The following SLC6A5 variants were observed in gnomAD, a reference collection of about 807,000 sequenced individuals.
SLC6A5 encodes sodium- and chloride-dependent glycine transporter 2.
A neutral mutation model predicts 90.5 loss-of-function variants in SLC6A5; 58 were observed. The observed-to-expected ratio is 0.64, with a 90% confidence interval of 0.52 to 0.80. The LOEUF is 0.80. Ranked by LOEUF, SLC6A5 falls within the 30% of genes least tolerant of loss-of-function variation. The probability of loss-of-function intolerance (pLI) is 0.00; values close to 1 mark genes in which losing one functional copy is unlikely to be tolerated. For missense variants in SLC6A5, 1,015 were observed against 1,017.6 expected, an observed-to-expected ratio of 1.00 and a Z score of 0.03; for synonymous variants, 427 against 401.4, an observed-to-expected ratio of 1.06 and a Z score of -0.76.
intron 3 of SLC6A5, among the ~76,000 whole-genome samples, chr11:20,606,400 C>A (rs1466638535): frequency 6.6e-6 from 1 of 152,142 alleles, no homozygotes; most frequent in Non-Finnish European, 1.5e-5. Context: ...TTGAGTTGAC[C>A]TTGAAGGATG....
chr11:20,607,835 G>A (rs765113551), intron 5 of SLC6A5, among the ~76,000 whole-genome samples, 183 bp downstream of exon 5: 5 of 152,170 alleles, frequency 3.3e-5, no homozygotes, highest in Admixed American at 1.3e-4. Flanking sequence ...TGGCCCAGAG[G>A]AAAGCTTAAT....
chr11:20,610,202 G>C (rs991863493), intron 5 of SLC6A5, among the ~76,000 whole-genome samples: 22 of 152,144 alleles, frequency 1.4e-4, no homozygotes, highest in Non-Finnish European at 1.8e-4. Context: ...TTCTTTGTTC[G>C]GGGTTGCTGG....
At chr11:20,608,830 C>G (rs751409841) in intron 5 of SLC6A5, among the ~76,000 whole-genome samples, 1 of 152,062 alleles carries the variant, frequency 6.6e-6, no homozygotes, top group Non-Finnish European at 1.5e-5. Flanking sequence ...AATATGAATT[C>G]TTCCCTCTCG....
intron 2 of SLC6A5, among the ~76,000 whole-genome samples, chr11:20,603,176 G>C (rs1852511518): frequency 6.6e-6 from 1 of 152,168 alleles, no homozygotes. Context: ...CTGTAGAAAA[G>C]TATGAGACCT....
At chr11:20,630,843 G>T (rs987289077) in intron 10 of SLC6A5, 28 bp downstream of exon 10, 7 of 1,613,302 alleles carry the variant, frequency 4.3e-6, no homozygotes, top group Non-Finnish European at 5.9e-6. Context: ...CCCTGCTGTT[G>T]CAGGGCAGGT....
chr11:20,637,268 T>C lies in SLC6A5; in HGVS notation c.1834T>C (p.Cys612Arg). ...KPVFTLGCCI[C>R]FFIMGFPMIT... The stretch of plus-strand genomic sequence containing the variant: ...AGTGTTTACTCTGGGCTGCTGCATT[T>C]GTTTCTTCATCATGGGTTTTCCAAT... The change falls in exon 12 of 16, where the codon TGT (cysteine) becomes CGT (arginine). Residue 612 changes from cysteine (C) to arginine (R), a missense_variant. Cys to Arg is a radical substitution (Grantham distance 180). Coordinates refer to ENST00000525748, the MANE Select transcript of SLC6A5 (RefSeq NM_004211.5). The C allele has an allele frequency of 6.2e-7, 1 of 1,613,876 alleles. No homozygotes were observed. The highest frequency in any genetic ancestry group is 8.5e-7 in the Non-Finnish European group (1 of 1,179,936).
intron 2 of SLC6A5, among the ~76,000 whole-genome samples, chr11:20,602,797 T>A (rs950330752): frequency 1.3e-5 from 2 of 152,228 alleles, no homozygotes; most frequent in Non-Finnish European, 2.9e-5. Context: ...CACTTGCCTT[T>A]CCTTTCGGGG....
intron 14 of SLC6A5, among the ~76,000 whole-genome samples, 183 bp from the exon 15 acceptor site, chr11:20,652,106 A>G (rs1484322426): frequency 1.3e-5 from 2 of 152,170 alleles, no homozygotes; most frequent in African/African-American, 4.8e-5. Flanking sequence ...CTCAGAATAT[A>G]TCATTTCCAT....
At chr11:20,599,795 CGAG>C in intron 1 of SLC6A5, 120 bp downstream of exon 1, 2 of 1,157,786 alleles carry the variant, frequency 1.7e-6, no homozygotes, top group Non-Finnish European at 1.3e-6. Flanking sequence ...AAGGGGGCGA[CGAG>C]GAGAACAATT....
chr11:20,607,805 C>T (rs1268098594), intron 5 of SLC6A5, among the ~76,000 whole-genome samples, 153 bp downstream of exon 5: 1 of 152,130 alleles, frequency 6.6e-6, no homozygotes, highest in East Asian at 1.9e-4. Context: ...TTAATTCTAA[C>T]ATAAAACTTA....
intron 9 of SLC6A5, among the ~76,000 whole-genome samples, chr11:20,628,421 G>A (rs1277953899): frequency 6.6e-6 from 1 of 152,206 alleles, no homozygotes; most frequent in African/African-American, 2.4e-5. Context: ...TGTGCCTTCA[G>A]ATGGTCTTCC....
chr11:20,637,277 A>G lies in SLC6A5; in HGVS notation c.1843A>G (p.Ile615Val). The G allele has an allele frequency of 6.2e-7, 1 of 1,610,216 alleles. No homozygotes were observed. Among genetic ancestry groups the G allele is most frequent in the Non-Finnish European group, 8.5e-7 (1 of 1,177,646 alleles). The change falls in exon 12 of 16, where the codon ATC becomes GTC. Residue 615 changes from isoleucine to valine, a missense_variant. Ile to Val is a conservative substitution (Grantham distance 29). This residue lies in a region of SLC6A5 where 442 missense variants were observed against 494.3 expected (regional missense o/e 0.89). Transcript: ENST00000525748. The part of the protein sequence containing the change: ...FTLGCCICFF[I>V]MGFPMITQGG... ...TCTGGGCTGCTGCATTTGTTTCTTC[A>G]TCATGGGTTTTCCAATGATCACTCA...
chr11:20,610,510 G>T (rs893561573), intron 5 of SLC6A5, among the ~76,000 whole-genome samples: 1 of 152,222 alleles, frequency 6.6e-6, no homozygotes, highest in African/African-American at 2.4e-5. Context: ...GTTTGCCCTC[G>T]TGTTAGTGAT....
At position 20,657,909 on chromosome 11, in the gene SLC6A5, G is replaced by A. The variant is rs1853656993; in HGVS notation, c.*3041G>A. 1 of 152,160 alleles carries A rather than the reference G, an allele frequency of 6.6e-6. No homozygotes were observed. The highest frequency in any genetic ancestry group is 1.5e-5 in the Non-Finnish European group (1 of 68,020). The allele number at this position is 152,160 out of a possible 1,614,324, so 9.4% of individuals were successfully genotyped here. A position where few individuals can be genotyped will look rare whatever the true frequency, so the allele number is the denominator to read the frequency against. ...TGCTTATCAGGTACAAATGTGTCTA[G>A]TTCTGTTTTATTGTTTCTTTTTCCT... On this transcript the variant is annotated 3_prime_UTR_variant, in exon 16 of 16. Coordinates refer to ENST00000525748, the MANE Select transcript of SLC6A5 (RefSeq NM_004211.5).
rs745539706 is a variant in SLC6A5 at position 20,626,733 on chromosome 11, C to T, written c.1286C>T (p.Pro429Leu). The change falls in exon 8 of 16, where the codon CCG becomes CTG. Residue 429 changes from proline (P) to leucine (L), a missense_variant. Physicochemically the swap from Pro to Leu is moderately conservative, Grantham distance 98. Around this residue, in one of 3 missense-constraint regions of SLC6A5, gnomAD observed 442 missense variants for 494.3 expected, o/e 0.89. Transcript: ENST00000525748. The stretch of plus-strand genomic sequence containing the variant: ...GTGGTGTACTTCACGGCCACGTTCC[C>T]GTATGTCGTACTCGTGATCCTCCTC... Reference protein sequence around the residue: ...GKVVYFTATFPYVVLVILLIR... With the variant: ...GKVVYFTATFLYVVLVILLIR... The T allele has an allele frequency of 3.7e-6, 6 of 1,614,128 alleles. No individual in the cohort carries two copies. Among genetic ancestry groups the T allele is most frequent in the East Asian group, 2.2e-5 (1 of 44,870 alleles).
At chr11:20,646,303 C>T (rs548296563) in intron 13 of SLC6A5, among the ~76,000 whole-genome samples, 10 of 152,214 alleles carry the variant, frequency 6.6e-5, no homozygotes, top group East Asian at 1.9e-4. Flanking sequence ...TTGGAATTTA[C>T]GTTGGTTTTT....
intron 5 of SLC6A5, 88 bp downstream of exon 5, chr11:20,607,740 A>G: frequency 1.9e-6 from 2 of 1,028,200 alleles, no homozygotes; most frequent in Non-Finnish European, 3.0e-6. Flanking sequence ...TATGCATGCT[A>G]GGACCTATAC....
intron 7 of SLC6A5, among the ~76,000 whole-genome samples, chr11:20,620,534 C>G (rs1165043679): frequency 6.6e-6 from 1 of 152,136 alleles, no homozygotes; most frequent in East Asian, 1.9e-4. Flanking sequence ...GGGTATTGTG[C>G]CACTTTGACA....
In SLC6A5 at chr11:20,606,996, C is replaced by G; in HGVS notation, c.680-11C>G. The stretch of plus-strand genomic sequence containing the variant: ...CCTCCTAGGGCTCTCACTCCCCACT[C>G]TCTTTCCAAGGTGCTTTCCTCATCC... On this transcript the variant is annotated splice_polypyrimidine_tract_variant and intron_variant, in intron 3 of 15. Coordinates refer to ENST00000525748, the MANE Select transcript of SLC6A5 (RefSeq NM_004211.5). 6.2e-7 allele frequency: 1 copy of G among 1,614,090 alleles called. No homozygotes were observed. The highest frequency in any genetic ancestry group is 8.5e-7 in the Non-Finnish European group (1 of 1,180,012).
Sources: allele counts gnomAD v4.1 joint callset (sites outside exome capture counted in the v4.1 genomes callset), GRCh38; gene constraint gnomAD v4.1.1; regional missense constraint gnomAD v4.1.1; transcripts MANE v1.5; gene names NCBI Gene and HGNC (gene_info 2026-07-23, HGNC 2026-07-21).